Variants in LRIG3 observed in about 807,000 individuals in gnomAD.
LRIG3 encodes leucine-rich repeats and immunoglobulin-like domains protein 3.
In LRIG3, 76 loss-of-function variants were observed where a neutral mutation model predicts 114.5. The ratio of observed to expected loss-of-function variants is 0.66; its 90% CI spans 0.55 to 0.80. The LOEUF (loss-of-function observed/expected upper bound fraction) is 0.80, where lower values mean the gene tolerates loss of function less well. LRIG3 is among the 30% of genes least tolerant of loss of function. The pLI is 0.00. For missense variants in LRIG3, 1,239 were observed against 1,382.8 expected, an observed-to-expected ratio of 0.90 and a Z score of 1.65; for synonymous variants, 512 against 519.8, an observed-to-expected ratio of 0.98 and a Z score of 0.20.
chr12:58,892,227 G>A (rs1419800435), intron 3 of LRIG3, among the ~76,000 whole-genome samples: 1 of 152,072 alleles, frequency 6.6e-6, no homozygotes, highest in Non-Finnish European at 1.5e-5. Flanking sequence ...TCTTTTGGCA[G>A]GAGAAAATAA....
At chr12:58,873,101 A>C (rs1870792459) in intron 18 of LRIG3, among the ~76,000 whole-genome samples, 1 of 152,194 alleles carries the variant, frequency 6.6e-6, no homozygotes, top group African/African-American at 2.4e-5. Flanking sequence ...CATGCAATAA[A>C]GTTCCCCAAT....
chr12:58,884,373 A>G (rs1297478919), intron 10 of LRIG3, among the ~76,000 whole-genome samples: 1 of 152,182 alleles, frequency 6.6e-6, no homozygotes, highest in East Asian at 1.9e-4. Context: ...TACAAAGGGA[A>G]TATTGAGTGA....
chr12:58,889,403 G>A (rs1871377571), intron 5 of LRIG3, among the ~76,000 whole-genome samples: 1 of 152,060 alleles, frequency 6.6e-6, no homozygotes, highest in Non-Finnish European at 1.5e-5. Context: ...TCTCTTTAAG[G>A]CAGTAGTTCT....
At chr12:58,886,282 A>G (rs1871273995) in intron 9 of LRIG3, among the ~76,000 whole-genome samples, 1 of 152,094 alleles carries the variant, frequency 6.6e-6, no homozygotes, top group Non-Finnish European at 1.5e-5. Context: ...CCTTCCATCC[A>G]TAGGAGTTTG....
intron 10 of LRIG3, among the ~76,000 whole-genome samples, 185 bp downstream of exon 10, chr12:58,885,646 T>C (rs1209381176): frequency 6.6e-6 from 1 of 152,132 alleles, no homozygotes; most frequent in Non-Finnish European, 1.5e-5. Flanking sequence ...TACTTCTATA[T>C]AGGTAGGTAG....
chr12:58,897,368 C>G (rs761918380), intron 3 of LRIG3, among the ~76,000 whole-genome samples: 7 of 152,158 alleles, frequency 4.6e-5, no homozygotes, highest in African/African-American at 2.4e-5. Context: ...TAAAGATGGC[C>G]ATGTATTAAT....
intron 10 of LRIG3, among the ~76,000 whole-genome samples, chr12:58,884,401 G>T (rs988578875): frequency 6.6e-5 from 10 of 152,170 alleles, no homozygotes; most frequent in Middle Eastern, 3.2e-3. Flanking sequence ...GGGAAGAGAA[G>T]ACAAAGAAAG....
chr12:58,889,667 C>T (rs986424083), intron 5 of LRIG3, among the ~76,000 whole-genome samples: 2 of 152,040 alleles, frequency 1.3e-5, no homozygotes, highest in African/African-American at 2.4e-5. Context: ...CTGGAGTTGC[C>T]GGTATTATTC....
chr12:58,880,508 A>T, intron 13 of LRIG3, 73 bp downstream of exon 13: 2 of 1,435,514 alleles, frequency 1.4e-6, no homozygotes, highest in Non-Finnish European at 1.9e-6. Flanking sequence ...GGTTAAGATT[A>T]AGAGAGAAAA....
In LRIG3 at chr12:58,877,613, T is replaced by C. The variant is rs1282464135; in HGVS notation, c.2323A>G (p.Thr775Ala). 1.9e-6 allele frequency: 3 copies of C among 1,614,056 alleles called. No individual in the cohort carries two copies. In the Admixed American group the frequency reaches 5.0e-5, roughly 27 times the overall value. The change falls in exon 15 of 19, where the codon ACT (threonine) becomes GCT (alanine). Residue 775 changes from threonine (T) to alanine (A), a missense_variant. Physicochemically the swap from Thr to Ala is moderately conservative, Grantham distance 58. Transcript: ENST00000320743. The stretch of plus-strand genomic sequence containing the variant: ...CTGAGGCGCACGTTTCCTCTCTCAG[T>C]GCCAAGGGTGTTAGACATCTCACAT... ...YTCEMSNTLGTERGNVRLSVI... is the reference protein window; with the variant it reads ...YTCEMSNTLGAERGNVRLSVI...
At chr12:58,883,470 A>G in intron 11 of LRIG3, 50 bp downstream of exon 11, 13 of 1,334,564 alleles carry the variant, frequency 9.7e-6, no homozygotes, top group Non-Finnish European at 1.2e-5. Context: ...ACCATATGAC[A>G]GTTTTCCCCT....
Position 58,887,947 on chromosome 12 carries a change from G to A in LRIG3, c.948-15C>T. 6.2e-7 allele frequency: 1 copy of A among 1,604,242 alleles called. No homozygotes were observed. Among genetic ancestry groups the A allele is most frequent in the Non-Finnish European group, 8.5e-7 (1 of 1,175,464 alleles). On this transcript the variant is annotated splice_polypyrimidine_tract_variant and intron_variant, in intron 7 of 18. Transcript: ENST00000320743. ...AAGTTAGGTCCCTGTAAAGAAAAAA[G>A]AGAAAAGCAATAGCTTTTATTTTTC... is the stretch of plus-strand genomic sequence containing the variant.
chr12:58,882,757 GA>G, intron 12 of LRIG3, 111 bp downstream of exon 12: 2 of 1,197,168 alleles, frequency 1.7e-6, no homozygotes, highest in Non-Finnish European at 2.3e-6. Context: ...TACCTCAGCA[GA>G]AATAAAAGCT....
At chr12:58,872,959 T>A in intron 18 of LRIG3, 143 bp from the exon 19 acceptor site, 1 of 1,129,756 alleles carries the variant, frequency 8.9e-7, no homozygotes, top group Non-Finnish European at 1.2e-6. Flanking sequence ...CTCACATACA[T>A]GTACATCTGT....
intron 3 of LRIG3, among the ~76,000 whole-genome samples, chr12:58,900,850 A>G (rs11172810): frequency 0.072 from 10,975 of 152,306 alleles, 537 homozygotes; most frequent in Non-Finnish European, 0.11. Flanking sequence ...CCTTGTGAAT[A>G]AGGCATAGAA....
chr12:58,902,068 T>C (rs1455957608), intron 3 of LRIG3, among the ~76,000 whole-genome samples: 6 of 152,168 alleles, frequency 3.9e-5, no homozygotes, highest in East Asian at 1.9e-4. Flanking sequence ...GAAATTTACA[T>C]GGCAACTGTA....
intron 1 of LRIG3, chr12:58,919,427 G>A (rs144968639): frequency 1.3e-6 from 2 of 1,551,462 alleles, no homozygotes; most frequent in African/African-American, 1.4e-5. Flanking sequence ...GGGAACTTAC[G>A]GTCTGCTAAT....
intron 13 of LRIG3, chr12:58,880,322 A>C: frequency 1.7e-6 from 1 of 603,516 alleles, no homozygotes; most frequent in Non-Finnish European, 3.0e-6. Context: ...AAGAAAAAGA[A>C]AAAAAAAAGA....
intron 3 of LRIG3, among the ~76,000 whole-genome samples, chr12:58,913,228 A>T (rs1872350131): frequency 6.6e-6 from 1 of 152,254 alleles, no homozygotes; most frequent in African/African-American, 2.4e-5. Context: ...TAACATCAGT[A>T]GCTTAAATAT....
Sources: gnomAD v4.1 joint callset for allele counts (sites outside exome capture counted in the v4.1 genomes callset) on GRCh38, gnomAD v4.1.1 for gene constraint, MANE v1.5 for transcripts, NCBI Gene and HGNC (gene_info 2026-07-23, HGNC 2026-07-21) for gene names.